The following RNF169 variants were observed in gnomAD, a reference collection of about 807,000 sequenced individuals.
The protein encoded by RNF169 is E3 ubiquitin-protein ligase RNF169.
RNF169 carries 24 observed loss-of-function variants against 53.9 expected under a neutral mutation model. That is an observed-to-expected ratio of 0.45 (90% confidence interval 0.32 to 0.63). The LOEUF (loss-of-function observed/expected upper bound fraction) is 0.63. RNF169 is among the 20% of genes least tolerant of loss of function. RNF169 has a pLI of 0.04. For missense variants in RNF169, 883 were observed against 906.2 expected, an observed-to-expected ratio of 0.97 and a Z score of 0.33; for synonymous variants, 396 against 363.5, an observed-to-expected ratio of 1.09 and a Z score of -1.02.
rs1319564142 is a variant in RNF169 at position 74,783,466 on chromosome 11, C to T, written c.503-6160C>T. Among the ~76,000 whole-genome samples, 3 of 152,174 alleles carry T rather than the reference C, an allele frequency of 2.0e-5. No homozygotes were observed. In the East Asian group the frequency reaches 5.8e-4, roughly 29 times the overall value. ...AAGGATAGGCATTAAGAAAGTACTTCAACCATTAGATTCATTTATGAATGC... is the reference window on the plus strand; with the variant it reads ...AAGGATAGGCATTAAGAAAGTACTTTAACCATTAGATTCATTTATGAATGC... On this transcript the variant is annotated intron_variant, in intron 1 of 5. Transcript: ENST00000299563.
intron 1 of RNF169, among the ~76,000 whole-genome samples, chr11:74,773,974 T>C (rs941340318): frequency 6.6e-5 from 10 of 152,196 alleles, no homozygotes; most frequent in Non-Finnish European, 8.8e-5. Context: ...ATACCACATA[T>C]TTGTGCCAAG....
intron 1 of RNF169, among the ~76,000 whole-genome samples, chr11:74,761,622 G>T (rs2035083859): frequency 6.6e-6 from 1 of 152,178 alleles, no homozygotes; most frequent in Non-Finnish European, 1.5e-5. Flanking sequence ...TTTCCTTTAA[G>T]AATGTTGAAT....
chr11:74,829,496 A>G (rs1326622114), intron 4 of RNF169, among the ~76,000 whole-genome samples: 1 of 152,240 alleles, frequency 6.6e-6, no homozygotes, highest in East Asian at 1.9e-4. Flanking sequence ...TACTAGGTAT[A>G]TACACAAAGG....
At chr11:74,813,449 C>T (rs780318081) in intron 3 of RNF169, among the ~76,000 whole-genome samples, 6 of 151,962 alleles carry the variant, frequency 3.9e-5, no homozygotes, top group Non-Finnish European at 5.9e-5. Flanking sequence ...AATAATAATG[C>T]GAATTATTAG....
chr11:74,762,871 G>C (rs1420686725), intron 1 of RNF169, among the ~76,000 whole-genome samples: 1 of 152,202 alleles, frequency 6.6e-6, no homozygotes, highest in African/African-American at 2.4e-5. Context: ...TATTGCCCTG[G>C]AGCAGAGTGA....
intron 1 of RNF169, among the ~76,000 whole-genome samples, chr11:74,750,382 G>C (rs1342565259): frequency 1.3e-5 from 2 of 152,086 alleles, no homozygotes; most frequent in African/African-American, 4.8e-5. Context: ...TGGGAATTCT[G>C]CCATGTGTTT....
At chr11:74,782,458 G>A (rs1438284726) in intron 1 of RNF169, among the ~76,000 whole-genome samples, 1 of 152,142 alleles carries the variant, frequency 6.6e-6, no homozygotes, top group East Asian at 1.9e-4. Flanking sequence ...ATCTAGGTAG[G>A]CTGTGCTGTC....
intron 1 of RNF169, among the ~76,000 whole-genome samples, chr11:74,765,922 A>T (rs1357391905): frequency 6.6e-6 from 1 of 152,134 alleles, no homozygotes; most frequent in Non-Finnish European, 1.5e-5. Flanking sequence ...AGGAAAGAAT[A>T]AAGAGCAGAA....
chr11:74,810,157 CTG>C (rs770581075), intron 2 of RNF169, 25 bp from the exon 3 acceptor site: 9 of 1,588,400 alleles, frequency 5.7e-6, no homozygotes, highest in African/African-American at 1.4e-5. Flanking sequence ...CCTAAAACTA[CTG>C]TGTTTGCATA....
intron 1 of RNF169, among the ~76,000 whole-genome samples, chr11:74,774,780 C>T (rs954131003): frequency 1.3e-5 from 2 of 152,028 alleles, no homozygotes; most frequent in African/African-American, 2.4e-5. Flanking sequence ...CATGATGAAA[C>T]CCCGTCTCTA....
chr11:74,801,739 G>C (rs2035733259), intron 2 of RNF169, among the ~76,000 whole-genome samples: 1 of 152,206 alleles, frequency 6.6e-6, no homozygotes, highest in South Asian at 2.1e-4. Flanking sequence ...TGGAGCCTTG[G>C]CAACATAGTG....
chr11:74,767,504 C>T (rs773673285), intron 1 of RNF169, among the ~76,000 whole-genome samples: 9 of 152,072 alleles, frequency 5.9e-5, no homozygotes, highest in Non-Finnish European at 1.0e-4. Context: ...CTGCCAGGTT[C>T]AAGCCTCCCG....
intron 1 of RNF169, among the ~76,000 whole-genome samples, chr11:74,782,534 G>A (rs564599573): frequency 1.9e-4 from 29 of 152,100 alleles, no homozygotes; most frequent in African/African-American, 5.1e-4. Flanking sequence ...TGCTCCCCCC[G>A]CAACCCCTAC....
At chr11:74,778,730 C>G (rs181265408) in intron 1 of RNF169, among the ~76,000 whole-genome samples, 27 of 152,364 alleles carry the variant, frequency 1.8e-4, no homozygotes, top group Middle Eastern at 3.4e-3. Context: ...TCATTCAACT[C>G]AAAAGTCAGG....
At chr11:74,781,514 T>C (rs747155322) in intron 1 of RNF169, among the ~76,000 whole-genome samples, 2 of 152,236 alleles carry the variant, frequency 1.3e-5, no homozygotes, top group Non-Finnish European at 2.9e-5. Context: ...TCCCAGTCTT[T>C]AGTATGGCGA....
Position 74,836,968 on chromosome 11 carries a change from C to T in RNF169, c.*238C>T, listed in dbSNP as rs1334940384. On this transcript the variant is annotated 3_prime_UTR_variant, in exon 6 of 6. Transcript: ENST00000299563. ...AGGGCTTCTGGGCCAAACCTGGCAG[C>T]ACCCACTGGGAATGAGATTTGGAAC... 8 of 428,136 alleles carry T rather than the reference C, an allele frequency of 1.9e-5. No individual in the cohort carries two copies. Among genetic ancestry groups the T allele is most frequent in the Non-Finnish European group, 3.3e-5 (8 of 239,124 alleles). The allele number at this position is 428,136 out of a possible 1,614,324, so 26.5% of individuals were successfully genotyped here.
chr11:74,816,792 G>A (rs1011637415), intron 3 of RNF169, among the ~76,000 whole-genome samples: 1 of 152,212 alleles, frequency 6.6e-6, no homozygotes, highest in Non-Finnish European at 1.5e-5. Flanking sequence ...TGTGGGAACT[G>A]GTAGGGGAAA....
At chr11:74,795,043 C>T (rs937342809) in intron 2 of RNF169, among the ~76,000 whole-genome samples, 4 of 152,026 alleles carry the variant, frequency 2.6e-5, no homozygotes, top group African/African-American at 9.7e-5. Flanking sequence ...TGGGCTCAAA[C>T]AATCCTCCTG....
chr11:74,838,541 T>G lies in RNF169; in HGVS notation c.*1811T>G, dbSNP rs2036291551. The G allele has an allele frequency of 6.6e-6, 1 of 152,230 alleles. No homozygotes were observed. The allele number at this position is 152,230 out of a possible 1,614,324, so 9.4% of individuals were successfully genotyped here. ...ATGTCTTAAACATTGTGGTCATCAT[T>G]GAGATAGGTGGAATCTCTTTGGTGA... On this transcript the variant is annotated 3_prime_UTR_variant, in exon 6 of 6. Transcript: ENST00000299563.
Sources: allele counts gnomAD v4.1 joint callset (sites outside exome capture counted in the v4.1 genomes callset), GRCh38; gene constraint gnomAD v4.1.1; transcripts MANE v1.5; gene names NCBI Gene and HGNC (gene_info 2026-07-23, HGNC 2026-07-21).